Variants in PARD3B observed in about 807,000 individuals in gnomAD.
PARD3B encodes the protein partitioning defective 3 homolog B.
A neutral mutation model predicts 130.2 loss-of-function variants in PARD3B; 103 were observed. The observed-to-expected ratio is 0.79, with a 90% CI of 0.67 to 0.93. The LOEUF is 0.93. PARD3B is among the 40% of genes least tolerant of loss of function. The pLI, the probability that PARD3B is intolerant of heterozygous loss-of-function variation, is 0.00. For missense variants in PARD3B, 1,609 were observed against 1,499.2 expected (o/e 1.07, Z -1.21); for synonymous variants, 583 against 553.2 (o/e 1.05, Z -0.76).
At chr2:205,415,490 T>A (rs1265267743) in intron 19 of PARD3B, among the ~76,000 whole-genome samples, 1 of 152,062 alleles carries the variant, frequency 6.6e-6, no homozygotes, top group Admixed American at 6.6e-5. Context: ...AAAACTGACA[T>A]TATGCTAAAA....
intron 1 of PARD3B, among the ~76,000 whole-genome samples, chr2:204,584,394 GC>G (rs1342749733): frequency 6.6e-6 from 1 of 152,150 alleles, no homozygotes; most frequent in Admixed American, 6.5e-5. Flanking sequence ...ATTGAAGATA[GC>G]TAGTAACAGC....
Position 205,550,968 on chromosome 2 carries a change from T to TACAC in PARD3B, c.3181-2355_3181-2354insCACA, listed in dbSNP as rs2052612709. Among the ~76,000 whole-genome samples the TACAC allele has an allele frequency of 9.4e-6, 1 of 106,450 alleles. No homozygotes were observed. The highest frequency in any genetic ancestry group is 3.9e-4 in the South Asian group (1 of 2,542). The allele number at this position is 106,450 out of a possible 152,430, so 69.8% of individuals were successfully genotyped here. The stretch of plus-strand genomic sequence containing the variant: ...ATATATATATGTGTATATATATATA[T>TACAC]ATATATATACACACACACACACACA... On this transcript the variant is annotated intron_variant, in intron 21 of 22. Transcript: ENST00000406610. The surrounding 1 kb of genome is among the most constrained non-coding windows in gnomAD (Gnocchi z 4.5).
At chr2:205,088,945 C>G (rs1701920313) in intron 4 of PARD3B, among the ~76,000 whole-genome samples, 1 of 151,438 alleles carries the variant, frequency 6.6e-6, no homozygotes, top group Non-Finnish European at 1.5e-5. Context: ...ACTACAGGTG[C>G]CCGCCACCAC....
chr2:205,155,800 A>T (rs2034081813), intron 10 of PARD3B, among the ~76,000 whole-genome samples: 2 of 152,204 alleles, frequency 1.3e-5, no homozygotes, highest in Admixed American at 1.3e-4. Context: ...ATGGCCAGTG[A>T]TGGTGAGCAT....
intron 16 of PARD3B, among the ~76,000 whole-genome samples, chr2:205,285,549 TTC>T (rs769594753): frequency 2.0e-5 from 3 of 152,138 alleles, no homozygotes; most frequent in Non-Finnish European, 4.4e-5. Flanking sequence ...TCTTTTCCCA[TTC>T]TCTCTGTTCA....
At chr2:205,008,672 A>T (rs1053361178) in intron 3 of PARD3B, among the ~76,000 whole-genome samples, 4 of 152,222 alleles carry the variant, frequency 2.6e-5, no homozygotes, top group African/African-American at 4.8e-5. Context: ...ATCTTTAAGT[A>T]TAGAACAGGG....
chr2:204,765,595 A>G (rs1004839732), intron 2 of PARD3B, among the ~76,000 whole-genome samples: 2 of 152,224 alleles, frequency 1.3e-5, no homozygotes, highest in Non-Finnish European at 2.9e-5. Context: ...TTATTTCTTC[A>G]AAACAGCATA....
Position 205,585,593 on chromosome 2 carries a change from T to C in PARD3B, c.3261-29863T>C, listed in dbSNP as rs1473842920. Reference sequence around the variant, plus strand: ...GGTCACTTCTCCAGGCAGGGAGTAATTGATATCCCCAGCTCTCCTAACAGC... The same window carrying C: ...GGTCACTTCTCCAGGCAGGGAGTAACTGATATCCCCAGCTCTCCTAACAGC... On this transcript the variant is annotated intron_variant, in intron 22 of 22. Coordinates refer to ENST00000406610, the MANE Select transcript of PARD3B (RefSeq NM_001302769.2). The surrounding 1 kb of genome is among the most constrained non-coding windows in gnomAD (Gnocchi z 5.4). 6.6e-6 allele frequency among the ~76,000 whole-genome samples: 1 copy of C among 152,108 alleles called. No individual in the cohort carries two copies. The highest frequency in any genetic ancestry group is 2.4e-5 in the African/African-American group (1 of 41,410).
intron 3 of PARD3B, among the ~76,000 whole-genome samples, chr2:205,005,813 T>C (rs1056860293): frequency 2.6e-5 from 4 of 152,232 alleles, no homozygotes; most frequent in African/African-American, 9.6e-5. Context: ...TTTAAAATTA[T>C]TGTCTTTTAT....
At chr2:205,455,640 CAT>C (rs2048248045) in intron 20 of PARD3B, among the ~76,000 whole-genome samples, 1 of 151,462 alleles carries the variant, frequency 6.6e-6, no homozygotes, top group Non-Finnish European at 1.5e-5. Context: ...ATTATATAGT[CAT>C]AGTTATATAT....
rs564632241 is a variant in PARD3B at position 205,563,735 on chromosome 2, T to C, written c.3260+10332T>C. Among the ~76,000 whole-genome samples, 2 of 152,336 alleles carry C rather than the reference T, an allele frequency of 1.3e-5. No homozygotes were observed. The highest frequency in any genetic ancestry group is 3.9e-4 in the East Asian group (2 of 5,182). On this transcript the variant is annotated intron_variant, in intron 22 of 22. Transcript: ENST00000406610. This position sits in a 1 kb window ranked among gnomAD's most constrained non-coding sequence, Gnocchi z 4.2. ...AAACACTTTTGAATCACACACTTTT[T>C]CTTCTTTTATCACTGTAAGTTTTCC... is the stretch of plus-strand genomic sequence containing the variant.
rs1371568663 is a variant in PARD3B, at chr2:205,104,454, A to G, written c.533A>G (p.Glu178Gly). The change falls in exon 5 of 23, where the codon GAA (glutamate) becomes GGA (glycine). Residue 178 changes from glutamate (E) to glycine (G), a missense_variant. Transcript: ENST00000406610. ...TCCACGCAGAACTTGGAAGACAGAG[A>G]AGTTTTGAATGGTGTACAGACAGAA... ...PDSTQNLEDR[E>G]VLNGVQTELL... 1 of 1,603,090 alleles carries G rather than the reference A, an allele frequency of 6.2e-7. No homozygotes were observed. Among genetic ancestry groups the G allele is most frequent in the Non-Finnish European group, 8.5e-7 (1 of 1,170,230 alleles).
intron 1 of PARD3B, among the ~76,000 whole-genome samples, chr2:204,667,804 T>G (rs1005502699): frequency 6.6e-6 from 1 of 152,222 alleles, no homozygotes; most frequent in Non-Finnish European, 1.5e-5. Context: ...GTGCCTTTCA[T>G]GTAGTCACAC....
At chr2:205,022,422 G>A (rs1021726482) in intron 3 of PARD3B, among the ~76,000 whole-genome samples, 3 of 152,108 alleles carry the variant, frequency 2.0e-5, no homozygotes, top group African/African-American at 4.8e-5. Flanking sequence ...ATCTTAATGG[G>A]CTAGAACAAA....
chr2:205,095,004 G>A (rs1702318018), intron 4 of PARD3B, among the ~76,000 whole-genome samples: 1 of 151,962 alleles, frequency 6.6e-6, no homozygotes, highest in African/African-American at 2.4e-5. Flanking sequence ...TGACAGACCT[G>A]GATTCTAAAT....
At chr2:205,147,968 A>C (rs1156303728) in intron 10 of PARD3B, among the ~76,000 whole-genome samples, 1 of 152,150 alleles carries the variant, frequency 6.6e-6, no homozygotes, top group East Asian at 1.9e-4. Flanking sequence ...AATATATATC[A>C]GAGATCATAG....
At chr2:205,004,075 G>A (rs1275755006) in intron 3 of PARD3B, among the ~76,000 whole-genome samples, 2 of 152,320 alleles carry the variant, frequency 1.3e-5, no homozygotes, top group Non-Finnish European at 2.9e-5. Context: ...TTCATAATCA[G>A]TGTAATTCAG....
chr2:205,419,110 T>C (rs2106084637), intron 19 of PARD3B, among the ~76,000 whole-genome samples: 1 of 152,178 alleles, frequency 6.6e-6, no homozygotes, highest in South Asian at 2.1e-4. Flanking sequence ...CCCACCCAAA[T>C]CTCATCTTGA....
chr2:205,606,259 G>A (rs1001420781), intron 22 of PARD3B, among the ~76,000 whole-genome samples: 1 of 152,116 alleles, frequency 6.6e-6, no homozygotes, highest in East Asian at 1.9e-4. Flanking sequence ...TCACGAGTGG[G>A]ATCTCCTGAT....
Sources: allele counts gnomAD v4.1 joint callset (sites outside exome capture counted in the v4.1 genomes callset), GRCh38; gene constraint gnomAD v4.1.1; non-coding constraint Gnocchi (gnomAD v3.1); transcripts MANE v1.5; gene names NCBI Gene and HGNC (gene_info 2026-07-23, HGNC 2026-07-21).